Variants in SLC15A4 observed in about 807,000 individuals in gnomAD.
SLC15A4 encodes the protein hPHT1.
Under a neutral mutation model 46.1 loss-of-function variants are expected in SLC15A4, and 26 were observed. The observed-to-expected ratio is 0.56, with a 90% CI of 0.41 to 0.78. The LOEUF is 0.78. SLC15A4 is among the 30% of genes least tolerant of loss of function. The probability of loss-of-function intolerance (pLI) is 0.00; values close to 1 mark genes in which losing one functional copy is unlikely to be tolerated. For synonymous variants in SLC15A4, 370 were observed against 333.4 expected, an observed-to-expected ratio of 1.11 and a Z score of -1.20; for missense variants, 751 against 755.7, an observed-to-expected ratio of 0.99 and a Z score of 0.07.
At chr12:128,814,192 GCCGTATGATGGACCTGAC>G (rs1317781699) in intron 2 of SLC15A4, 8 of 112,752 alleles carry the variant, frequency 7.1e-5, no homozygotes, top group South Asian at 1.6e-4. Flanking sequence ...AGACCTGACC[GCCGTATGATGGACCTGAC>G]CGCCGTATGA....
At chr12:128,809,884 T>C (rs1698127128) in intron 3 of SLC15A4, 59 bp downstream of exon 3, 4 of 1,534,818 alleles carry the variant, frequency 2.6e-6, no homozygotes, top group East Asian at 2.3e-5. Context: ...CCAAAACAAG[T>C]GCTAGGGTAA....
In SLC15A4 at chr12:128,799,300, G is replaced by A; in HGVS notation, c.1532C>T (p.Ser511Phe). The A allele has an allele frequency of 1.2e-6, 2 of 1,614,136 alleles. No individual in the cohort carries two copies. The change falls in exon 7 of 8, where the codon TCT becomes TTT. Residue 511 changes from serine to phenylalanine, a missense_variant. By Grantham distance (155) the Ser-to-Phe change is radical. Transcript: ENST00000266771. ...GCTCATCCATCCGATGGCTTTGATAGACACCAGTGCCAGCAGTCCAGAACC... is the reference window on the plus strand; with the variant it reads ...GCTCATCCATCCGATGGCTTTGATAAACACCAGTGCCAGCAGTCCAGAACC... The part of the protein sequence containing the change: ...FVGSGLLALV[S>F]IKAIGWMSSH...
chr12:128,809,146 T>G, intron 4 of SLC15A4, 190 bp from the exon 5 acceptor site: 1 of 642,782 alleles, frequency 1.6e-6, no homozygotes, highest in Non-Finnish European at 2.6e-6. Flanking sequence ...TTTGCTTTTC[T>G]GTGTTTTGAG....
Position 128,807,777 on chromosome 12 carries a change from C to T in SLC15A4, c.1258+1011G>A, listed in dbSNP as rs556702122. Among the ~76,000 whole-genome samples the T allele has an allele frequency of 2.3e-4, 35 of 152,350 alleles. No individual in the cohort carries two copies. In the South Asian group the frequency reaches 3.5e-3, roughly 15 times the overall value. The stretch of plus-strand genomic sequence containing the variant: ...GCACAGCAAAAACTTCATTCAGACA[C>T]GACCTCACTTTAATTATCTATTTGA... On this transcript the variant is annotated intron_variant, in intron 5 of 7. Transcript: ENST00000266771.
Position 128,823,422 on chromosome 12 carries a change from G to A in SLC15A4, c.522C>T (p.Asn174=), listed in dbSNP as rs1438170454. ...CCTGGTCGGCGCCGAAGGGCGTGAT[G>A]TTGGCCTTGACGGTGGCCACGCCCA... The part of the protein sequence containing the change: ...VGLGVATVKA[N]ITPFGADQVK... The change falls in exon 1 of 8, where the codon AAC becomes AAT. Residue 174 remains asparagine (N), a synonymous_variant. Transcript: ENST00000266771. 2.1e-6 allele frequency: 3 copies of A among 1,456,426 alleles called. No homozygotes were observed. The highest frequency in any genetic ancestry group is 2.7e-6 in the Non-Finnish European group (3 of 1,111,468). The allele number at this position is 1,456,426 out of a possible 1,614,324, so 90.2% of individuals were successfully genotyped here. A position where few individuals can be genotyped will look rare whatever the true frequency, so the allele number is the denominator to read the frequency against.
At chr12:128,819,336 G>A (rs1361218471) in intron 1 of SLC15A4, among the ~76,000 whole-genome samples, 5 of 152,146 alleles carry the variant, frequency 3.3e-5, no homozygotes, top group African/African-American at 1.2e-4. Flanking sequence ...CCAGGAGGCA[G>A]AGGTTGCAGT....
intron 5 of SLC15A4, 72 bp downstream of exon 5, chr12:128,808,716 G>A: frequency 2.6e-6 from 4 of 1,516,898 alleles, no homozygotes; most frequent in Admixed American, 3.8e-5. Context: ...ACGACTGCGT[G>A]TGAGCACTAT....
At chr12:128,809,304 A>G in intron 4 of SLC15A4, 92 bp downstream of exon 4, 1 of 818,266 alleles carries the variant, frequency 1.2e-6, no homozygotes, top group Non-Finnish European at 2.0e-6. Context: ...CGGTGCTGTT[A>G]ACATTTATAA....
intron 1 of SLC15A4, among the ~76,000 whole-genome samples, chr12:128,817,342 A>G (rs553564533): frequency 4.7e-4 from 72 of 152,396 alleles, no homozygotes; most frequent in African/African-American, 1.7e-3. Context: ...AAAATGAAAA[A>G]TGTGAGCAGA....
chr12:128,806,902 CTTTTTT>C (rs34407311), intron 5 of SLC15A4, among the ~76,000 whole-genome samples: 1 of 108,288 alleles, frequency 9.2e-6, no homozygotes, highest in African/African-American at 3.7e-5. Context: ...TTTGCTAGCG[CTTTTTT>C]TTTTTTTTTT....
At chr12:128,804,661 C>T (rs1334019640) in intron 5 of SLC15A4, among the ~76,000 whole-genome samples, 2 of 152,162 alleles carry the variant, frequency 1.3e-5, no homozygotes, top group African/African-American at 4.8e-5. Context: ...ACCAGGGAGG[C>T]GGACGTTGCA....
intron 5 of SLC15A4, chr12:128,801,472 G>A (rs1296883898): frequency 6.5e-6 from 1 of 154,834 alleles, no homozygotes; most frequent in African/African-American, 2.4e-5. Context: ...AACAACAAAT[G>A]ATGATAATAA....
chr12:128,823,429 T>C lies in SLC15A4; in HGVS notation c.515A>G (p.Lys172Arg), dbSNP rs1399621594. The change falls in exon 1 of 8, where the codon AAG (lysine) becomes AGG (arginine). Residue 172 changes from lysine to arginine, a missense_variant. By Grantham distance (26) the Lys-to-Arg change is conservative. Transcript: ENST00000266771. ...GGCGCCGAAGGGCGTGATGTTGGCC[T>C]TGACGGTGGCCACGCCCAGGCCCAC... is the stretch of plus-strand genomic sequence containing the variant. ...VLVGLGVATV[K>R]ANITPFGADQ... 4 of 1,459,794 alleles carry C rather than the reference T, an allele frequency of 2.7e-6. No individual in the cohort carries two copies. The South Asian group carries it at 4.0e-5, about 15-fold the overall frequency. The allele number at this position is 1,459,794 out of a possible 1,614,324, so 90.4% of individuals were successfully genotyped here.
intron 5 of SLC15A4, among the ~76,000 whole-genome samples, chr12:128,806,927 C>T (rs1158920386): frequency 2.9e-5 from 3 of 104,656 alleles, no homozygotes; most frequent in Admixed American, 1.3e-4. Context: ...TTTTTTGAGA[C>T]GGTATCTTGC....
intron 5 of SLC15A4, among the ~76,000 whole-genome samples, chr12:128,806,324 G>A (rs1447329897): frequency 6.6e-6 from 1 of 151,908 alleles, no homozygotes; most frequent in Non-Finnish European, 1.5e-5. Flanking sequence ...AATCTTAAAC[G>A]TCACTAATAA....
At chr12:128,812,376 G>A (rs1207428611) in intron 2 of SLC15A4, among the ~76,000 whole-genome samples, 1 of 152,060 alleles carries the variant, frequency 6.6e-6, no homozygotes, top group African/African-American at 2.4e-5. Flanking sequence ...CTGGAGTGCA[G>A]TGGTGTGATC....
In SLC15A4 at chr12:128,817,221, T is replaced by C. The variant is rs115551764; in HGVS notation, c.547-2151A>G. On this transcript the variant is annotated intron_variant, in intron 1 of 7. Transcript: ENST00000266771. ...TCTCTACTGAATAAAGAGTTTGAGG[T>C]GAGAACTTCACAGACATCTAAGACA... Among the ~76,000 whole-genome samples the C allele has an allele frequency of 5.6e-3, 850 of 152,314 alleles. 11 individuals carry two copies. Among genetic ancestry groups the C allele is most frequent in the African/African-American group, 0.019 (795 of 41,570 alleles).
In SLC15A4 at chr12:128,809,383, C is replaced by A. The variant is rs774677059; in HGVS notation, c.1089+13G>T. The A allele has an allele frequency of 1.3e-6, 2 of 1,543,026 alleles. No homozygotes were observed. Among genetic ancestry groups the A allele is most frequent in the South Asian group, 1.1e-5 (1 of 87,230 alleles). On this transcript the variant is annotated intron_variant, in intron 4 of 7. Coordinates refer to ENST00000266771, the MANE Select transcript of SLC15A4 (RefSeq NM_145648.4). ...CAAAATAACAATGTTCAGATCATTA[C>A]AATTGTTCTTACCGTGTGAGGAGTG...
In SLC15A4 at chr12:128,794,221, C is replaced by G. The variant is rs150004476; in HGVS notation, c.1709G>C (p.Gly570Ala). The G allele has an allele frequency of 6.2e-7, 1 of 1,613,368 alleles. No individual in the cohort carries two copies. The highest frequency in any genetic ancestry group is 1.1e-5 in the South Asian group (1 of 91,036). The change falls in exon 8 of 8, where the codon GGC becomes GCC. Residue 570 changes from glycine to alanine, a missense_variant. By Grantham distance (60) the Gly-to-Ala change is moderately conservative. Transcript: ENST00000266771. ...TCAGGCCCTCCTGCTGGTGGGCACG[C>G]CATTGGCTCTTGATCGCTGATGGTC... ...HRDHQRSRAN[G>A]VPTSRRA
Sources: gnomAD v4.1 joint callset for allele counts (sites outside exome capture counted in the v4.1 genomes callset) on GRCh38, gnomAD v4.1.1 for gene constraint, MANE v1.5 for transcripts, NCBI Gene and HGNC (gene_info 2026-07-23, HGNC 2026-07-21) for gene names.